Variants in CACNA1E observed in about 807,000 individuals in gnomAD.
CACNA1E encodes the protein voltage-dependent R-type calcium channel subunit alpha-1E.
Under a neutral mutation model 259.2 loss-of-function variants are expected in CACNA1E, and 40 were observed. The observed-to-expected ratio is 0.15, with a 90% CI of 0.12 to 0.20. The LOEUF (loss-of-function observed/expected upper bound fraction) is 0.20, where lower values mean the gene tolerates loss of function less well. CACNA1E is among the 10% of genes least tolerant of loss of function. The probability of loss-of-function intolerance (pLI) is 1.00; values close to 1 mark genes in which losing one functional copy is unlikely to be tolerated. For synonymous variants in CACNA1E, 1,104 were observed against 1,138.5 expected, an observed-to-expected ratio of 0.97 and a Z score of 0.61; for missense variants, 1,874 against 3,040.1, an observed-to-expected ratio of 0.62 and a Z score of 9.02.
At chr1:181,742,416 A>G (rs559187604) in intron 25 of CACNA1E, among the ~76,000 whole-genome samples, 5 of 152,240 alleles carry the variant, frequency 3.3e-5, no homozygotes, top group African/African-American at 7.2e-5. Flanking sequence ...ATCATATCCC[A>G]TATATTTGCC....
intron 7 of CACNA1E, among the ~76,000 whole-genome samples, chr1:181,698,734 A>G (rs1191026046): frequency 6.6e-6 from 1 of 152,024 alleles, no homozygotes; most frequent in African/African-American, 2.4e-5. Context: ...CTTTTGTTTC[A>G]TTTATCTCTA....
intron 27 of CACNA1E, among the ~76,000 whole-genome samples, chr1:181,752,843 C>T (rs1307335100): frequency 6.6e-6 from 1 of 152,176 alleles, no homozygotes; most frequent in Non-Finnish European, 1.5e-5. Context: ...CCAGATTTCT[C>T]CTTGTCTAAT....
intron 7 of CACNA1E, among the ~76,000 whole-genome samples, chr1:181,708,656 C>T (rs1390936182): frequency 6.6e-6 from 1 of 152,210 alleles, no homozygotes; most frequent in Non-Finnish European, 1.5e-5. Flanking sequence ...ATATGTGGTG[C>T]ATGAAGGACT....
At chr1:181,725,065 T>C (rs1308517508) in intron 17 of CACNA1E, among the ~76,000 whole-genome samples, 2 of 152,226 alleles carry the variant, frequency 1.3e-5, no homozygotes, top group African/African-American at 4.8e-5. Flanking sequence ...TTTTCTCTGA[T>C]TAATTTCCCC....
intron 10 of CACNA1E, 42 bp downstream of exon 10, chr1:181,716,171 C>T (rs993640969): frequency 1.6e-6 from 2 of 1,263,766 alleles, no homozygotes; most frequent in Admixed American, 2.0e-5. Flanking sequence ...CTGAATCTCC[C>T]ACGAAAAGGA....
Position 181,483,803 on chromosome 1 carries a change from A to G in CACNA1E, c.59A>G (p.Asp20Gly). The G allele has an allele frequency of 6.2e-7, 1 of 1,613,176 alleles. No homozygotes were observed. Among genetic ancestry groups the G allele is most frequent in the Non-Finnish European group, 8.5e-7 (1 of 1,179,628 alleles). The change falls in exon 1 of 48, where the codon GAC becomes GGC. Residue 20 changes from aspartate (D) to glycine (G), a missense_variant. Physicochemically the swap from Asp to Gly is moderately conservative, Grantham distance 94. Transcript: ENST00000367573. Reference sequence around the variant, plus strand: ...CCAGGGTCCGGCGATGGAGACTCGGACCAGAGCAGGAACCGGCAAGGAACC... The same window carrying G: ...CCAGGGTCCGGCGATGGAGACTCGGGCCAGAGCAGGAACCGGCAAGGAACC... Reference protein sequence around the residue: ...ARPGSGDGDSDQSRNRQGTPV... With the variant: ...ARPGSGDGDSGQSRNRQGTPV...
chr1:181,513,076 T>C (rs1305826997), intron 3 of CACNA1E, among the ~76,000 whole-genome samples: 2 of 152,162 alleles, frequency 1.3e-5, no homozygotes, highest in Admixed American at 1.3e-4. Context: ...ATATAATAAG[T>C]TTGTGTAAAT....
At chr1:181,411,540 T>C (rs1003069086) in intron 1 of CACNA1E, among the ~76,000 whole-genome samples, 1 of 152,198 alleles carries the variant, frequency 6.6e-6, no homozygotes, top group African/African-American at 2.4e-5. Flanking sequence ...GCAAACTCTG[T>C]TTAACCCGGC....
In CACNA1E at chr1:181,771,788, A is replaced by G. The variant is rs169235; in HGVS notation, c.4974-278A>G. On this transcript the variant is annotated intron_variant, in intron 36 of 47. Transcript: ENST00000367573. ...AATTCCACTTAAGGGCTGAAACCTTAGATAGCCAGGTTTATGCTGGGTCTT... is the reference window on the plus strand; with the variant it reads ...AATTCCACTTAAGGGCTGAAACCTTGGATAGCCAGGTTTATGCTGGGTCTT... 0.24 allele frequency: 117,393 copies of G among 482,850 alleles called. 15,365 individuals carry two copies. The highest frequency in any genetic ancestry group is 0.31 in the South Asian group (7,895 of 25,380). The allele number at this position is 482,850 out of a possible 1,614,324, so 29.9% of individuals were successfully genotyped here.
intron 1 of CACNA1E, among the ~76,000 whole-genome samples, chr1:181,410,728 C>G (rs575823975): frequency 6.6e-6 from 1 of 152,294 alleles, no homozygotes; most frequent in African/African-American, 2.4e-5. Flanking sequence ...AATCTGAGTT[C>G]TCTCCCAGCT....
intron 3 of CACNA1E, among the ~76,000 whole-genome samples, chr1:181,522,446 T>C (rs762670891): frequency 3.4e-4 from 52 of 152,176 alleles, no homozygotes; most frequent in Admixed American, 2.9e-3. Flanking sequence ...GCTGAGAACA[T>C]TGCTATATGA....
chr1:181,324,431 C>T (rs1351771871), intron 1 of CACNA1E, among the ~76,000 whole-genome samples: 1 of 152,096 alleles, frequency 6.6e-6, no homozygotes, highest in Non-Finnish European at 1.5e-5. Flanking sequence ...TTCTCTATGG[C>T]TATTATGAGG....
intron 1 of CACNA1E, among the ~76,000 whole-genome samples, chr1:181,396,730 AG>A (rs1656705858): frequency 6.6e-6 from 1 of 152,232 alleles, no homozygotes; most frequent in African/African-American, 2.4e-5. Flanking sequence ...ATAGAAACAG[AG>A]ATTCCCTCAA....
intron 7 of CACNA1E, among the ~76,000 whole-genome samples, chr1:181,656,370 G>A (rs953948437): frequency 2.0e-5 from 3 of 152,038 alleles, no homozygotes; most frequent in Non-Finnish European, 4.4e-5. Flanking sequence ...TAGTGTGTGT[G>A]TTTGTGTCTT....
At chr1:181,783,870 T>C in intron 40 of CACNA1E, 86 bp downstream of exon 40, 1 of 853,378 alleles carries the variant, frequency 1.2e-6, no homozygotes, top group South Asian at 1.4e-5. Context: ...ATTTGAACTG[T>C]CATCTATCCA....
upstream of CACNA1E, among the ~76,000 whole-genome samples, chr1:181,481,086 G>A (rs1663198211): frequency 6.6e-6 from 1 of 152,078 alleles, no homozygotes. Context: ...ATGGTTCACA[G>A]CACCACCCTC....
At chr1:181,420,572 A>G (rs183241622) in intron 2 of CACNA1E, among the ~76,000 whole-genome samples, 293 of 152,362 alleles carry the variant, frequency 1.9e-3, no homozygotes, top group Middle Eastern at 0.017. Flanking sequence ...CAGGAGAGAA[A>G]AATGAGCTCC....
chr1:181,613,052 C>T (rs75881005), intron 6 of CACNA1E, among the ~76,000 whole-genome samples: 5,063 of 152,266 alleles, frequency 0.033, 112 homozygotes, highest in Non-Finnish European at 0.048. Flanking sequence ...ATCCTGACCA[C>T]GTGTGTATGA....
intron 7 of CACNA1E, among the ~76,000 whole-genome samples, chr1:181,654,583 G>T (rs188388061): frequency 2.0e-5 from 3 of 152,302 alleles, no homozygotes; most frequent in African/African-American, 7.2e-5. Context: ...ATAACTGGGA[G>T]ATTATATAGG....
Sources: gnomAD v4.1 joint callset for allele counts (sites outside exome capture counted in the v4.1 genomes callset) on GRCh38, gnomAD v4.1.1 for gene constraint, MANE v1.5 for transcripts, NCBI Gene and HGNC (gene_info 2026-07-23, HGNC 2026-07-21) for gene names.